The following PCDH9 variants were observed in gnomAD, a reference collection of about 807,000 sequenced individuals.
The protein encoded by PCDH9 is protocadherin 9, also known as protocadherin-9.
Under a neutral mutation model 70.6 loss-of-function variants are expected in PCDH9, and 24 were observed. The observed-to-expected ratio is 0.34, with a 90% CI of 0.25 to 0.48. The LOEUF is 0.48. Ranked by LOEUF, PCDH9 falls within the 20% of genes least tolerant of loss-of-function variation. The probability of loss-of-function intolerance (pLI) is 0.99; values close to 1 mark genes in which losing one functional copy is unlikely to be tolerated. For missense variants in PCDH9, 1,281 were observed against 1,503.6 expected, an observed-to-expected ratio of 0.85 and a Z score of 2.45; for synonymous variants, 562 against 558.5, an observed-to-expected ratio of 1.01 and a Z score of -0.09.
rs1001976981 is a variant in PCDH9 at position 66,773,776 on chromosome 13, AT to A, written c.3138+129727del. Among the ~76,000 whole-genome samples, 22 of 151,214 alleles carry A rather than the reference AT, an allele frequency of 1.5e-4. 1 individual carries two copies. The highest frequency in any genetic ancestry group is 1.3e-3 in the Admixed American group (20 of 15,170). On this transcript the variant is annotated intron_variant, in intron 3 of 4. Transcript: ENST00000377865. Reference sequence around the variant, plus strand: ...AATTGTCCCTGGACCAATTTTTGTAATTTTTTTTCTTTTTTTTTTTAGACGG... The same window carrying A: ...AATTGTCCCTGGACCAATTTTTGTAATTTTTTTCTTTTTTTTTTTAGACGG...
intron 4 of PCDH9, among the ~76,000 whole-genome samples, chr13:66,557,740 T>C (rs1268445627): frequency 6.6e-6 from 1 of 152,200 alleles, no homozygotes; most frequent in Non-Finnish European, 1.5e-5. Flanking sequence ...AAGGAGAAGA[T>C]GTGCTAATGA....
chr13:66,991,233 A>G (rs972718050), intron 2 of PCDH9: 4 of 152,130 alleles, frequency 2.6e-5, no homozygotes, highest in Non-Finnish European at 5.9e-5. Flanking sequence ...ATTTTGTAAG[A>G]TCAATCCATT....
chr13:66,764,272 C>G (rs1594027377), intron 3 of PCDH9, among the ~76,000 whole-genome samples: 1 of 148,310 alleles, frequency 6.7e-6, no homozygotes, highest in Non-Finnish European at 1.5e-5. Context: ...AAACCGAAAA[C>G]TTTAATTCTC....
intron 4 of PCDH9, among the ~76,000 whole-genome samples, chr13:66,396,668 G>A (rs1957106979): frequency 6.6e-6 from 1 of 152,306 alleles, no homozygotes; most frequent in South Asian, 2.1e-4. Flanking sequence ...TATAGTGAAA[G>A]TCTCAGTTTA....
At chr13:66,706,101 C>A (rs2139118630) in intron 3 of PCDH9, among the ~76,000 whole-genome samples, 1 of 152,288 alleles carries the variant, frequency 6.6e-6, no homozygotes, top group African/African-American at 2.4e-5. Flanking sequence ...TGAGCCAATG[C>A]ATGAAGATTA....
At position 66,534,115 on chromosome 13, in the gene PCDH9, G is replaced by C. The variant is rs566704777; in HGVS notation, c.3340+97095C>G. 5.9e-5 allele frequency among the ~76,000 whole-genome samples: 9 copies of C among 152,186 alleles called. 1 individual carries two copies. In the South Asian group the frequency reaches 1.9e-3, roughly 32 times the overall value. On this transcript the variant is annotated intron_variant, in intron 4 of 4. Transcript: ENST00000377865. ...AAATTCACAACTGAAAATGCAGCTA[G>C]CCCCAGCTACCATGTCACACTGATA...
chr13:66,386,824 G>A (rs1229655491), intron 4 of PCDH9, among the ~76,000 whole-genome samples: 1 of 151,928 alleles, frequency 6.6e-6, no homozygotes, highest in Non-Finnish European at 1.5e-5. Context: ...CTAAAAAATA[G>A]GCCATTATTA....
At chr13:67,121,569 T>A (rs988214001) in intron 2 of PCDH9, among the ~76,000 whole-genome samples, 1 of 152,186 alleles carries the variant, frequency 6.6e-6, no homozygotes, top group African/African-American at 2.4e-5. Context: ...TTACTAATCT[T>A]TTTTACATAT....
intron 3 of PCDH9, among the ~76,000 whole-genome samples, chr13:66,790,471 T>G (rs1304383738): frequency 1.3e-5 from 2 of 152,134 alleles, no homozygotes; most frequent in Non-Finnish European, 2.9e-5. Flanking sequence ...TAATTTATAA[T>G]TGTGCCTGCT....
intron 2 of PCDH9, among the ~76,000 whole-genome samples, chr13:67,148,248 T>C (rs938600559): frequency 1.3e-5 from 2 of 152,128 alleles, no homozygotes; most frequent in African/African-American, 4.8e-5. Flanking sequence ...GAATTTGTAT[T>C]TTTCTTCCCC....
chr13:67,031,457 CACTTTGGTAG>C lies in PCDH9; in HGVS notation c.3037-127862_3037-127853del, dbSNP rs2084905057. Among the ~76,000 whole-genome samples, 4 of 152,214 alleles carry C rather than the reference CACTTTGGTAG, an allele frequency of 2.6e-5. No individual in the cohort carries two copies. The South Asian group carries it at 8.3e-4, about 32-fold the overall frequency. On this transcript the variant is annotated intron_variant, in intron 2 of 4. Coordinates refer to ENST00000377865, the MANE Select transcript of PCDH9 (RefSeq NM_203487.3). ...AGGTGGTTCATGTCTGTAATCCCAG[CACTTTGGTAG>C]ACAGAAGCAGGCGGGTCACTTGAGG...
At chr13:66,592,718 C>A (rs1469774301) in intron 4 of PCDH9, among the ~76,000 whole-genome samples, 1 of 151,538 alleles carries the variant, frequency 6.6e-6, no homozygotes, top group Non-Finnish European at 1.5e-5. Context: ...CAGATTAACT[C>A]TCTGTAATAT....
chr13:66,896,983 A>G (rs1484960378), intron 3 of PCDH9, among the ~76,000 whole-genome samples: 1 of 152,064 alleles, frequency 6.6e-6, no homozygotes, highest in African/African-American at 2.4e-5. Flanking sequence ...ATAACAACAT[A>G]CTTTTTATGT....
At position 67,000,796 on chromosome 13, in the gene PCDH9, C is replaced by T. The variant is rs76005571; in HGVS notation, c.3037-97191G>A. ...AGGGGATTTCCAGATTAATTCATGACGAAGTGATTATATTCACAGTGCTTT... is the reference window on the plus strand; with the variant it reads ...AGGGGATTTCCAGATTAATTCATGATGAAGTGATTATATTCACAGTGCTTT... On this transcript the variant is annotated intron_variant, in intron 2 of 4. Transcript: ENST00000377865. Among the ~76,000 whole-genome samples the T allele has an allele frequency of 6.7e-3, 1,023 of 152,168 alleles. 33 individuals are homozygous for T. The highest frequency in any genetic ancestry group is 0.066 in the South Asian group (317 of 4,832).
At chr13:66,963,657 A>T (rs1171373140) in intron 2 of PCDH9, among the ~76,000 whole-genome samples, 2 of 152,202 alleles carry the variant, frequency 1.3e-5, no homozygotes, top group African/African-American at 4.8e-5. Flanking sequence ...TATAATATTC[A>T]AATAATCTTA....
At chr13:66,445,070 A>G (rs1958045968) in intron 4 of PCDH9, among the ~76,000 whole-genome samples, 1 of 147,386 alleles carries the variant, frequency 6.8e-6, no homozygotes, top group African/African-American at 2.5e-5. Flanking sequence ...TATAATATGT[A>G]TTATATCTAT....
intron 2 of PCDH9, among the ~76,000 whole-genome samples, chr13:67,046,804 T>C (rs2085231128): frequency 6.6e-6 from 1 of 152,102 alleles, no homozygotes; most frequent in Non-Finnish European, 1.5e-5. Context: ...AAATATAAAC[T>C]TATTTTTATC....
chr13:66,645,975 C>G (rs1373364139), intron 3 of PCDH9, among the ~76,000 whole-genome samples: 1 of 152,148 alleles, frequency 6.6e-6, no homozygotes, highest in Non-Finnish European at 1.5e-5. Context: ...CACTGGGAGG[C>G]TACAATTCAA....
intron 2 of PCDH9, among the ~76,000 whole-genome samples, chr13:67,061,409 C>A (rs61961773): frequency 0.097 from 14,697 of 151,548 alleles, 754 homozygotes; most frequent in Non-Finnish European, 0.11. Context: ...CTCTCTCTCT[C>A]TATATATATA....
Sources: gnomAD v4.1 joint callset for allele counts (sites outside exome capture counted in the v4.1 genomes callset) on GRCh38, gnomAD v4.1.1 for gene constraint, MANE v1.5 for transcripts, NCBI Gene and HGNC (gene_info 2026-07-23, HGNC 2026-07-21) for gene names.